SDK2: variants seen among roughly 807,000 people sequenced by gnomAD.
The protein encoded by SDK2 is sidekick cell adhesion molecule 2, also known as protein sidekick-2.
A neutral mutation model predicts 253.9 loss-of-function variants in SDK2; 105 were observed. That is an observed-to-expected ratio of 0.41 (90% CI 0.35 to 0.49). SDK2 has a LOEUF of 0.49. SDK2 is among the 20% of genes least tolerant of loss of function. SDK2 has a pLI of 0.06. For missense variants in SDK2, 2,608 were observed against 3,003.0 expected (o/e 0.87, Z 3.07); for synonymous variants, 1,249 against 1,234.9 (o/e 1.01, Z -0.24).
chr17:73,588,200 C>G (rs372655642), intron 1 of SDK2, among the ~76,000 whole-genome samples: 76 of 105,272 alleles, frequency 7.2e-4, no homozygotes, highest in Admixed American at 3.6e-3. Flanking sequence ...TGGAGAGACC[C>G]CCCCCCCTCC....
chr17:73,345,595 T>A (rs1297520282), intron 44 of SDK2, among the ~76,000 whole-genome samples: 2 of 152,146 alleles, frequency 1.3e-5, no homozygotes, highest in Non-Finnish European at 2.9e-5. Flanking sequence ...TGAATGAGCT[T>A]CATAGAGAGC....
chr17:73,635,662 CT>C lies in SDK2; in HGVS notation c.64+8362del, dbSNP rs1383363107. 2.6e-5 allele frequency among the ~76,000 whole-genome samples: 4 copies of C among 152,340 alleles called. No individual in the cohort carries two copies. The East Asian group carries it at 5.8e-4, about 22-fold the overall frequency. ...TCACATCATCAAAATTTCATCACCC[CT>C]CTGGGTCACTAATAGCTTCCTACAT... is the stretch of plus-strand genomic sequence containing the variant. On this transcript the variant is annotated intron_variant, in intron 1 of 44. Transcript: ENST00000392650.
rs1433438617 is a variant in SDK2 at position 73,336,307 on chromosome 17, G to C, written c.*2280C>G. ...CAGAGGGTGGGGGCGGAGGTGGCAG[G>C]GGTGGAGCAGGTGTCCAGCTGACTC... On this transcript the variant is annotated 3_prime_UTR_variant, in exon 45 of 45. Transcript: ENST00000392650. 3 of 152,248 alleles carry C rather than the reference G, an allele frequency of 2.0e-5. No homozygotes were observed. The highest frequency in any genetic ancestry group is 6.5e-5 in the Admixed American group (1 of 15,280). 9.4% of individuals were successfully genotyped at this position (152,248 alleles called of 1,614,324 possible).
rs12940715 is a variant in SDK2 at position 73,481,592 on chromosome 17, C to T, written c.225-9374G>A. On this transcript the variant is annotated intron_variant, in intron 2 of 44. Coordinates refer to ENST00000392650, the MANE Select transcript of SDK2 (RefSeq NM_001144952.2). The surrounding 1 kb of genome is among the most constrained non-coding windows in gnomAD (Gnocchi z 4.5). ...CAGAGTGGTGAAAGCCCTCTCCCCT[C>T]GCAGGACGTAGCCGGATCCCTCACC... 0.13 allele frequency among the ~76,000 whole-genome samples: 20,281 copies of T among 152,130 alleles called. 1,714 individuals are homozygous for T. The highest frequency in any genetic ancestry group is 0.23 in the Middle Eastern group (68 of 294).
rs925091296 is a variant in SDK2 at position 73,570,219 on chromosome 17, C to A, written c.65-62622G>T. On this transcript the variant is annotated intron_variant, in intron 1 of 44. Transcript: ENST00000392650. This position sits in a 1 kb window ranked among gnomAD's most constrained non-coding sequence, Gnocchi z 4.2. ...TTGCTACCTCCCCTCCCTGTTTACA[C>A]CCCTGCCTCCTAAGCACAGCCCGGC... Among the ~76,000 whole-genome samples the A allele has an allele frequency of 5.5e-5, 6 of 109,002 alleles. No individual in the cohort carries two copies. The highest frequency in any genetic ancestry group is 1.2e-4 in the Non-Finnish European group (6 of 49,472). The allele number at this position is 109,002 out of a possible 152,430, so 71.5% of individuals were successfully genotyped here. A position where few individuals can be genotyped will look rare whatever the true frequency, so the allele number is the denominator to read the frequency against.
intron 2 of SDK2, among the ~76,000 whole-genome samples, chr17:73,489,414 C>G (rs115798357): frequency 0.047 from 7,221 of 152,110 alleles, 553 homozygotes; most frequent in African/African-American, 0.16. Flanking sequence ...TTGGAGGTGG[C>G]GGGGTAAGTG....
chr17:73,362,443 T>C (rs1375841054), intron 38 of SDK2, among the ~76,000 whole-genome samples: 2 of 151,766 alleles, frequency 1.3e-5, no homozygotes, highest in African/African-American at 2.4e-5. Context: ...CTTGCTCTGT[T>C]GCTCAGGCAC....
At chr17:73,638,230 C>G (rs373596617) in intron 1 of SDK2, among the ~76,000 whole-genome samples, 1 of 152,184 alleles carries the variant, frequency 6.6e-6, no homozygotes, top group Admixed American at 6.5e-5. Flanking sequence ...TTCATTCATT[C>G]ATTCAGTCTT....
In SDK2 at chr17:73,401,229, G is replaced by T; in HGVS notation, c.2780-18C>A. 6.5e-7 allele frequency: 1 copy of T among 1,532,570 alleles called. No individual in the cohort carries two copies. The highest frequency in any genetic ancestry group is 8.8e-7 in the Non-Finnish European group (1 of 1,134,840). The allele number at this position is 1,532,570 out of a possible 1,614,324, so 94.9% of individuals were successfully genotyped here. ...CCGGTACCCTGGGGAGAGCCGCCGT[G>T]TTGGCATGAGCTTGGCTGTGATCAC... On this transcript the variant is annotated intron_variant, in intron 20 of 44. Transcript: ENST00000392650.
chr17:73,354,610 A>G (rs1481833681), intron 40 of SDK2, among the ~76,000 whole-genome samples: 2 of 152,140 alleles, frequency 1.3e-5, no homozygotes, highest in Non-Finnish European at 2.9e-5. Flanking sequence ...TTCACAGTAG[A>G]AGGACGTCAG....
intron 4 of SDK2, among the ~76,000 whole-genome samples, chr17:73,452,325 C>A (rs2063495894): frequency 6.6e-6 from 1 of 152,120 alleles, no homozygotes; most frequent in African/African-American, 2.4e-5. Flanking sequence ...CTCTGACACA[C>A]AGACACCAGG....
rs547521695 is a variant in SDK2 at position 73,551,861 on chromosome 17, C to A, written c.65-44264G>T. Among the ~76,000 whole-genome samples, 6 of 152,336 alleles carry A rather than the reference C, an allele frequency of 3.9e-5. No individual in the cohort carries two copies. The South Asian group carries it at 1.2e-3, about 32-fold the overall frequency. ...AAGAGGAAGCTGAGACCCAGTCCATCTGGAGACCCAACTCCAGGCTTCCCT... is the reference window on the plus strand; with the variant it reads ...AAGAGGAAGCTGAGACCCAGTCCATATGGAGACCCAACTCCAGGCTTCCCT... On this transcript the variant is annotated intron_variant, in intron 1 of 44. Transcript: ENST00000392650.
At chr17:73,371,588 G>C (rs1057333907) in intron 36 of SDK2, among the ~76,000 whole-genome samples, 4 of 152,130 alleles carry the variant, frequency 2.6e-5, no homozygotes, top group Non-Finnish European at 5.9e-5. Flanking sequence ...CAGAGGAATC[G>C]GAGGGAGTGA....
rs758943333 is a variant in SDK2 at position 73,391,391 on chromosome 17, G to A, written c.3997+49C>T. 2.2e-5 allele frequency: 25 copies of A among 1,122,518 alleles called. 1 individual carries two copies. In the East Asian group the frequency reaches 7.6e-4, roughly 34 times the overall value. The allele number at this position is 1,122,518 out of a possible 1,614,324, so 69.5% of individuals were successfully genotyped here. The stretch of plus-strand genomic sequence containing the variant: ...CGAAGTGGCCTCCTTTGCAGCTCAT[G>A]CCTCTTCCTTCTTCCTGCAGCCGGG... On this transcript the variant is annotated intron_variant, in intron 28 of 44. Coordinates refer to ENST00000392650, the MANE Select transcript of SDK2 (RefSeq NM_001144952.2).
intron 2 of SDK2, among the ~76,000 whole-genome samples, chr17:73,488,308 G>A (rs185603989): frequency 3.3e-5 from 5 of 152,300 alleles, no homozygotes; most frequent in East Asian, 3.9e-4. Context: ...GAGCCACCAC[G>A]CCCGGCCAAG....
At chr17:73,397,899 GTTGA>G in intron 24 of SDK2, 132 bp downstream of exon 24, 1 of 1,002,544 alleles carries the variant, frequency 1.0e-6, no homozygotes, top group South Asian at 1.6e-5. Context: ...GGGCTAAGAT[GTTGA>G]TTATCAGGCA....
chr17:73,396,552 C>T (rs2062972326), intron 24 of SDK2, among the ~76,000 whole-genome samples: 1 of 152,188 alleles, frequency 6.6e-6, no homozygotes, highest in Admixed American at 6.5e-5. Flanking sequence ...TGAAGCCGAC[C>T]AAAGACCATT....
Position 73,612,178 on chromosome 17 carries a change from A to C in SDK2, c.64+31847T>G, listed in dbSNP as rs949321663. ...CCGCTGCAGCCTCTTCAAGCGAGGA[A>C]AGATAAATGCAAGTACACCACAGTG... On this transcript the variant is annotated intron_variant, in intron 1 of 44. Transcript: ENST00000392650. This position sits in a 1 kb window ranked among gnomAD's most constrained non-coding sequence, Gnocchi z 4.4. Among the ~76,000 whole-genome samples, 9 of 152,300 alleles carry C rather than the reference A, an allele frequency of 5.9e-5. No individual in the cohort carries two copies. Among genetic ancestry groups the C allele is most frequent in the Middle Eastern group, 3.4e-3 (1 of 294 alleles).
At position 73,390,400 on chromosome 17, in the gene SDK2, T is replaced by C. The variant is rs771361431; in HGVS notation, c.4079A>G (p.Tyr1360Cys). The C allele has an allele frequency of 6.2e-6, 10 of 1,612,878 alleles. 1 individual carries two copies. The South Asian group carries it at 1.1e-4, about 18-fold the overall frequency. Residue 1360 changes from tyrosine to cysteine, a missense_variant, in exon 29 of 45, where the codon TAC becomes TGC. Physicochemically the swap from Tyr to Cys is radical, Grantham distance 194. This residue lies in a region of SDK2 where 1,103 missense variants were observed against 1,143.9 expected (regional missense o/e 0.96). Transcript: ENST00000392650. ...CTCTGGCTTGAGGCCCGTGGCTGTG[T>C]ACTGCCGGGCGCTGGGTGCCAGCAC... ...VEVLAPSARQ[Y>C]TATGLKPESV...
Sources: gnomAD v4.1 joint callset for allele counts (sites outside exome capture counted in the v4.1 genomes callset) on GRCh38, gnomAD v4.1.1 for gene constraint, gnomAD v4.1.1 regional missense constraint, Gnocchi (gnomAD v3.1) non-coding constraint, MANE v1.5 for transcripts, NCBI Gene and HGNC (gene_info 2026-07-23, HGNC 2026-07-21) for gene names.